Variants in FOCAD observed in about 807,000 individuals in gnomAD.
FOCAD encodes the protein focadhesin.
In FOCAD, 198 loss-of-function variants were observed where a neutral mutation model predicts 225.6. The ratio of observed to expected loss-of-function variants is 0.88; its 90% confidence interval spans 0.78 to 0.99. The LOEUF is 0.99. Among genes scored for constraint, FOCAD ranks in the 50% least tolerant of loss-of-function variants. The pLI is 0.00. For missense variants in FOCAD, 2,713 were observed against 2,123.6 expected (o/e 1.28, Z -5.46); for synonymous variants, 897 against 755.0 (o/e 1.19, Z -3.08).
At chr9:20,973,656 A>C (rs7852001) in intron 35 of FOCAD, among the ~76,000 whole-genome samples, 1 of 127,286 alleles carries the variant, frequency 7.9e-6, no homozygotes, top group Non-Finnish European at 1.7e-5. Flanking sequence ...CCTTTTTCCT[A>C]TGCTTCTCAT....
At chr9:20,860,032 C>T (rs979381338) in intron 15 of FOCAD, among the ~76,000 whole-genome samples, 4 of 151,984 alleles carry the variant, frequency 2.6e-5, no homozygotes, top group Non-Finnish European at 5.9e-5. Flanking sequence ...GTGAATTGTA[C>T]ACTTTACATG....
At chr9:20,711,809 A>ATAGC (rs1281644685) in intron 1 of FOCAD, among the ~76,000 whole-genome samples, 4 of 152,224 alleles carry the variant, frequency 2.6e-5, no homozygotes, top group African/African-American at 9.6e-5. Context: ...ATGACGACTG[A>ATAGC]TAGCTGTGGG....
At chr9:20,711,221 T>C (rs1398884867) in intron 1 of FOCAD, among the ~76,000 whole-genome samples, 1 of 152,186 alleles carries the variant, frequency 6.6e-6, no homozygotes, top group African/African-American at 2.4e-5. Context: ...TAGGAGACAT[T>C]TTATGTGGGA....
chr9:20,699,786 A>ATG (rs1210572878), intron 1 of FOCAD, among the ~76,000 whole-genome samples: 4 of 90,206 alleles, frequency 4.4e-5, no homozygotes, highest in African/African-American at 2.0e-4. Flanking sequence ...ATATATATAT[A>ATG]TATATATATA....
Position 20,789,870 on chromosome 9 carries a change from A to G in FOCAD, c.1455+262A>G, listed in dbSNP as rs10964702. Among the ~76,000 whole-genome samples, 27,645 of 152,002 alleles carry G rather than the reference A, an allele frequency of 0.18. 3,060 individuals are homozygous for G. Among genetic ancestry groups the G allele is most frequent in the Non-Finnish European group, 0.25 (16,668 of 67,960 alleles). On this transcript the variant is annotated intron_variant, in intron 11 of 43. Coordinates refer to ENST00000338382, the MANE Select transcript of FOCAD (RefSeq NM_001375567.1). ...CACATGGTGCTATTCTGGTTCTTCC[A>G]ATTTTTTGGTGGATTTGCTATTTTG...
At chr9:20,876,860 C>G (rs908042262) in intron 19 of FOCAD, among the ~76,000 whole-genome samples, 1 of 152,080 alleles carries the variant, frequency 6.6e-6, no homozygotes, top group Non-Finnish European at 1.5e-5. Flanking sequence ...TGAATCCTGC[C>G]CCTTTCTCCT....
At chr9:20,659,151 C>T (rs553276270) in intron 2 of FOCAD, among the ~76,000 whole-genome samples, 47 of 152,138 alleles carry the variant, frequency 3.1e-4, no homozygotes, top group Admixed American at 1.7e-3. Context: ...ACCTGGGGGG[C>T]GGAGGTTTCA....
chr9:20,766,997 C>G (rs1037988689), intron 7 of FOCAD, among the ~76,000 whole-genome samples: 1 of 152,044 alleles, frequency 6.6e-6, no homozygotes, highest in African/African-American at 2.4e-5. Flanking sequence ...ACCACAGTCC[C>G]CAGAATGTGA....
At position 20,907,198 on chromosome 9, in the gene FOCAD, G is replaced by A; in HGVS notation, c.2674G>A (p.Ala892Thr). The change falls in exon 22 of 44, where the codon GCC (alanine) becomes ACC (threonine). Residue 892 changes from alanine to threonine, a missense_variant. Ala to Thr is a moderately conservative substitution (Grantham distance 58). Transcript: ENST00000338382. ...GCACCGTGCAATTTTTCTTCCACAG[G>A]CCTGGCTTGCATACATGAATCGAGC... ...EWHRAIFLPQ[A>T]WLAYMNRAYH... 1 of 1,613,118 alleles carries A rather than the reference G, an allele frequency of 6.2e-7. No individual in the cohort carries two copies. The highest frequency in any genetic ancestry group is 8.5e-7 in the Non-Finnish European group (1 of 1,179,496).
At chr9:20,776,500 G>A (rs1818771804) in intron 8 of FOCAD, among the ~76,000 whole-genome samples, 1 of 152,194 alleles carries the variant, frequency 6.6e-6, no homozygotes, top group South Asian at 2.1e-4. Context: ...AGACTTGTAA[G>A]CAGTTTAAGA....
intron 5 of FOCAD, among the ~76,000 whole-genome samples, chr9:20,748,624 G>C (rs1828274124): frequency 6.6e-6 from 1 of 152,116 alleles, no homozygotes; most frequent in Admixed American, 6.6e-5. Flanking sequence ...AGGATAAAGA[G>C]GAAGGTAGGG....
Position 20,871,491 on chromosome 9 carries a change from A to C in FOCAD, c.2191-3190A>C, listed in dbSNP as rs1029487723. On this transcript the variant is annotated intron_variant, in intron 18 of 43. Coordinates refer to ENST00000338382, the MANE Select transcript of FOCAD (RefSeq NM_001375567.1). The stretch of plus-strand genomic sequence containing the variant: ...CTTGATTCTCTATAGTTTTACTCGC[A>C]TTGACCTTATTAAATTGTTGCACAC... Among the ~76,000 whole-genome samples the C allele has an allele frequency of 2.0e-5, 3 of 151,906 alleles. No homozygotes were observed. In the East Asian group the frequency reaches 5.8e-4, roughly 29 times the overall value.
intron 11 of FOCAD, among the ~76,000 whole-genome samples, chr9:20,799,058 C>G (rs540069875): frequency 2.0e-5 from 3 of 152,162 alleles, no homozygotes; most frequent in Non-Finnish European, 2.9e-5. Context: ...TCTTTGTTCT[C>G]ATTGGTTTCA....
intron 15 of FOCAD, among the ~76,000 whole-genome samples, chr9:20,841,493 G>T: frequency 6.6e-6 from 1 of 151,476 alleles, no homozygotes. Flanking sequence ...GGTCTTGTTG[G>T]TATGTGTCTA....
chr9:20,995,691 A>C lies in FOCAD; in HGVS notation c.*62A>C. 1 of 1,473,150 alleles carries C rather than the reference A, an allele frequency of 6.8e-7. No individual in the cohort carries two copies. The highest frequency in any genetic ancestry group is 9.5e-7 in the Non-Finnish European group (1 of 1,055,544). 91.3% of individuals were successfully genotyped at this position (1,473,150 alleles called of 1,614,324 possible). A position where few individuals can be genotyped will look rare whatever the true frequency, so the allele number is the denominator to read the frequency against. ...TGAGGAAAACCATATAAGTGGAAGA[A>C]GTTTTTCAGAATTCATGCCTGGTAT... On this transcript the variant is annotated 3_prime_UTR_variant, in exon 44 of 44. Transcript: ENST00000338382.
chr9:20,792,060 G>A (rs1004348121), intron 11 of FOCAD, among the ~76,000 whole-genome samples: 5 of 152,158 alleles, frequency 3.3e-5, no homozygotes, highest in African/African-American at 9.7e-5. Context: ...GTATGTAGAA[G>A]CCTTATAGGA....
intron 2 of FOCAD, among the ~76,000 whole-genome samples, chr9:20,670,508 A>C (rs987598825): frequency 2.0e-5 from 3 of 152,174 alleles, no homozygotes; most frequent in Non-Finnish European, 4.4e-5. Context: ...CAGGAGAGAG[A>C]ATAGAGAAAG....
chr9:20,687,293 T>C (rs1243545440), intron 1 of FOCAD, among the ~76,000 whole-genome samples: 1 of 152,232 alleles, frequency 6.6e-6, no homozygotes, highest in Admixed American at 6.5e-5. Context: ...AAGCATCCAC[T>C]GAAGCTCCTA....
intron 2 of FOCAD, among the ~76,000 whole-genome samples, chr9:20,669,827 G>A (rs995852488): frequency 1.3e-5 from 2 of 152,064 alleles, no homozygotes; most frequent in African/African-American, 4.8e-5. Flanking sequence ...AAGCATTACT[G>A]AAAATGTCAA....
Sources: allele counts gnomAD v4.1 joint callset (sites outside exome capture counted in the v4.1 genomes callset), GRCh38; gene constraint gnomAD v4.1.1; transcripts MANE v1.5; gene names NCBI Gene and HGNC (gene_info 2026-07-23, HGNC 2026-07-21).